Variants in IQGAP1 observed in about 807,000 individuals in gnomAD.
IQGAP1 encodes the protein ras GTPase-activating-like protein IQGAP1.
IQGAP1 carries 66 observed loss-of-function variants against 215.6 expected under a neutral mutation model. That is an observed-to-expected ratio of 0.31 (90% CI 0.25 to 0.38). The LOEUF is 0.38. IQGAP1 is among the 10% of genes least tolerant of loss of function. IQGAP1 has a pLI of 1.00. For synonymous variants in IQGAP1, 772 were observed against 728.7 expected (o/e 1.06, Z -0.96); for missense variants, 1,712 against 1,997.1 (o/e 0.86, Z 2.72).
intron 26 of IQGAP1, among the ~76,000 whole-genome samples, chr15:90,479,146 C>A (rs888271887): frequency 6.6e-6 from 1 of 152,066 alleles, no homozygotes; most frequent in Non-Finnish European, 1.5e-5. Context: ...AGCAGCTGTC[C>A]ACACCATTGC....
chr15:90,477,249 A>G lies in IQGAP1; in HGVS notation c.3104+19A>G. 6.2e-7 allele frequency: 1 copy of G among 1,610,870 alleles called. No individual in the cohort carries two copies. The highest frequency in any genetic ancestry group is 8.5e-7 in the Non-Finnish European group (1 of 1,177,836). On this transcript the variant is annotated intron_variant, in intron 25 of 37. Coordinates refer to ENST00000268182, the MANE Select transcript of IQGAP1 (RefSeq NM_003870.4). ...AAATCAAGTATGAACAGATTTCCTCAGGGCACAGGCCCCTTCCCACTATCA... is the reference window on the plus strand; with the variant it reads ...AAATCAAGTATGAACAGATTTCCTCGGGGCACAGGCCCCTTCCCACTATCA...
intron 36 of IQGAP1, among the ~76,000 whole-genome samples, chr15:90,496,000 A>G (rs988751406): frequency 5.3e-5 from 8 of 150,734 alleles, no homozygotes; most frequent in Non-Finnish European, 1.0e-4. Context: ...GCCTACCTCT[A>G]TTTGCCTTTC....
At chr15:90,420,399 A>G (rs930539495) in intron 2 of IQGAP1, among the ~76,000 whole-genome samples, 1 of 152,152 alleles carries the variant, frequency 6.6e-6, no homozygotes, top group African/African-American at 2.4e-5. Flanking sequence ...TTGCTCCAGG[A>G]GGCAGCTTAG....
intron 1 of IQGAP1, among the ~76,000 whole-genome samples, chr15:90,388,782 A>G (rs1473738938): frequency 6.6e-6 from 1 of 152,126 alleles, no homozygotes; most frequent in Non-Finnish European, 1.5e-5. Flanking sequence ...GTTTCGTGGA[A>G]AGGCGCTGCC....
chr15:90,481,836 G>C lies in IQGAP1; in HGVS notation c.3330-124G>C. On this transcript the variant is annotated intron_variant, in intron 26 of 37. Transcript: ENST00000268182. Reference sequence around the variant, plus strand: ...TCTAGACTTATCACTTACCAGCCCCGTGAGGATGAGCTTAAGCTATCTAAT... The same window carrying C: ...TCTAGACTTATCACTTACCAGCCCCCTGAGGATGAGCTTAAGCTATCTAAT... 4.0e-6 allele frequency: 4 copies of C among 992,606 alleles called. No homozygotes were observed. In the South Asian group the frequency reaches 6.7e-5, roughly 17 times the overall value. The allele number at this position is 992,606 out of a possible 1,614,324, so 61.5% of individuals were successfully genotyped here. A position where few individuals can be genotyped will look rare whatever the true frequency, so the allele number is the denominator to read the frequency against.
At chr15:90,498,954 C>T (rs975082202) in intron 37 of IQGAP1, among the ~76,000 whole-genome samples, 2 of 152,116 alleles carry the variant, frequency 1.3e-5, no homozygotes, top group South Asian at 2.1e-4. Context: ...AGAATATAGG[C>T]GTGCACCACC....
chr15:90,451,839 T>G (rs559391724), intron 11 of IQGAP1, among the ~76,000 whole-genome samples: 43 of 151,998 alleles, frequency 2.8e-4, no homozygotes, highest in African/African-American at 1.0e-3. Context: ...TGCCCTTTTT[T>G]TTTTTTTTTG....
intron 23 of IQGAP1, 25 bp downstream of exon 23, chr15:90,474,718 C>T (rs1426854928): frequency 4.5e-6 from 7 of 1,552,442 alleles, no homozygotes; most frequent in Non-Finnish European, 6.2e-6. Flanking sequence ...CAGCGGGGGC[C>T]TTGGAACGGT....
Position 90,388,273 on chromosome 15 carries a change from C to G in IQGAP1, c.-69C>G. 6.4e-7 allele frequency: 1 copy of G among 1,551,290 alleles called. No homozygotes were observed. The highest frequency in any genetic ancestry group is 8.8e-7 in the Non-Finnish European group (1 of 1,139,796). Reference sequence around the variant, plus strand: ...GGCAAGCCCGCGCACTTGGCAGGAGCTGTAGCTACCGCCGTCCGCGCCTCC... The same window carrying G: ...GGCAAGCCCGCGCACTTGGCAGGAGGTGTAGCTACCGCCGTCCGCGCCTCC... On this transcript the variant is annotated 5_prime_UTR_variant, in exon 1 of 38. Coordinates refer to ENST00000268182, the MANE Select transcript of IQGAP1 (RefSeq NM_003870.4).
intron 33 of IQGAP1, among the ~76,000 whole-genome samples, chr15:90,490,436 G>C (rs948452858): frequency 2.2e-5 from 3 of 138,726 alleles, no homozygotes; most frequent in African/African-American, 8.0e-5. Context: ...TGTTGGACAG[G>C]GACAGACAAT....
At chr15:90,444,489 G>A (rs1426966110) in intron 9 of IQGAP1, among the ~76,000 whole-genome samples, 1 of 151,950 alleles carries the variant, frequency 6.6e-6, no homozygotes, top group Non-Finnish European at 1.5e-5. Context: ...TCGCTCTGTT[G>A]CCCAGGTTGG....
At chr15:90,499,839 G>A (rs1966318151) in intron 37 of IQGAP1, among the ~76,000 whole-genome samples, 156 bp from the exon 38 acceptor site, 2 of 152,184 alleles carry the variant, frequency 1.3e-5, no homozygotes, top group South Asian at 4.1e-4. Context: ...TAGTTGCCTA[G>A]CGTGGAACTT....
chr15:90,419,839 A>T (rs138081463), intron 2 of IQGAP1, among the ~76,000 whole-genome samples: 6 of 152,320 alleles, frequency 3.9e-5, no homozygotes, highest in African/African-American at 7.2e-5. Flanking sequence ...GTTCCATTTC[A>T]GGCTGGTCAG....
intron 6 of IQGAP1, 133 bp from the exon 7 acceptor site, chr15:90,440,369 T>C: frequency 1.6e-6 from 1 of 620,792 alleles, no homozygotes; most frequent in Non-Finnish European, 2.9e-6. Flanking sequence ...ATACATTGTA[T>C]CTTTATATCC....
chr15:90,392,902 G>A (rs1390580665), intron 2 of IQGAP1, among the ~76,000 whole-genome samples: 1 of 151,788 alleles, frequency 6.6e-6, no homozygotes, highest in African/African-American at 2.4e-5. Flanking sequence ...CCGCCACTAC[G>A]CCTGGCTAAT....
chr15:90,439,968 T>C (rs1186362897), intron 6 of IQGAP1, among the ~76,000 whole-genome samples: 1 of 152,240 alleles, frequency 6.6e-6, no homozygotes, highest in Admixed American at 6.5e-5. Flanking sequence ...GTGGTGATTA[T>C]TTTGTAGGCT....
At chr15:90,456,122 A>G in intron 14 of IQGAP1, 30 bp from the exon 15 acceptor site, 1 of 1,596,096 alleles carries the variant, frequency 6.3e-7, no homozygotes, top group Non-Finnish European at 8.5e-7. Context: ...TTAATTAGAA[A>G]AAAAAAACTT....
At chr15:90,407,494 G>A (rs1339912314) in intron 2 of IQGAP1, among the ~76,000 whole-genome samples, 1 of 152,128 alleles carries the variant, frequency 6.6e-6, no homozygotes. Flanking sequence ...CTTAATAGGA[G>A]GATAGTTTCT....
intron 2 of IQGAP1, among the ~76,000 whole-genome samples, chr15:90,404,629 C>T (rs1012469788): frequency 1.3e-5 from 2 of 151,674 alleles, no homozygotes; most frequent in Non-Finnish European, 2.9e-5. Flanking sequence ...GAGAAAGTCT[C>T]ATTCTGTTGC....
Sources: gnomAD v4.1 joint callset for allele counts (sites outside exome capture counted in the v4.1 genomes callset) on GRCh38, gnomAD v4.1.1 for gene constraint, MANE v1.5 for transcripts, NCBI Gene and HGNC (gene_info 2026-07-23, HGNC 2026-07-21) for gene names.